Variants in ANKRD6 observed in about 807,000 individuals in gnomAD.
The protein encoded by ANKRD6 is ankyrin repeat domain-containing protein 6.
ANKRD6 carries 56 observed loss-of-function variants against 82.3 expected under a neutral mutation model. The ratio of observed to expected loss-of-function variants is 0.68; its 90% CI spans 0.55 to 0.85. The LOEUF is 0.85. Ranked by LOEUF, ANKRD6 falls within the 40% of genes least tolerant of loss-of-function variation. The pLI is 0.00. For synonymous variants in ANKRD6, 347 were observed against 352.1 expected (o/e 0.99, Z 0.16); for missense variants, 852 against 907.6 (o/e 0.94, Z 0.79).
chr6:89,454,462 A>T (rs1261964463), intron 1 of ANKRD6, among the ~76,000 whole-genome samples: 1 of 152,230 alleles, frequency 6.6e-6, no homozygotes, highest in African/African-American at 2.4e-5. Context: ...TCTGTGCAAG[A>T]ACTGAATAAC....
At chr6:89,474,827 G>A (rs1775864724) in intron 1 of ANKRD6, among the ~76,000 whole-genome samples, 1 of 152,202 alleles carries the variant, frequency 6.6e-6, no homozygotes, top group East Asian at 1.9e-4. Flanking sequence ...GTTGAATGAA[G>A]TATTATGGGA....
chr6:89,495,922 G>C (rs2224726), intron 1 of ANKRD6, among the ~76,000 whole-genome samples: 141,270 of 152,134 alleles, frequency 0.93, 65,704 homozygotes, highest in East Asian at 1. Flanking sequence ...TCTGACTTGC[G>C]CACATTCTCT....
intron 1 of ANKRD6, among the ~76,000 whole-genome samples, chr6:89,445,264 CTTTTTTT>C (rs1227274602): frequency 4.7e-5 from 3 of 64,090 alleles, no homozygotes; most frequent in African/African-American, 1.9e-4. Context: ...AGAGATCTTT[CTTTTTTT>C]TTTTTTTTTT....
chr6:89,479,784 T>A (rs1582830387), intron 1 of ANKRD6, among the ~76,000 whole-genome samples: 1 of 151,976 alleles, frequency 6.6e-6, no homozygotes, highest in Non-Finnish European at 1.5e-5. Context: ...CCCCTAGAAT[T>A]GTTTCTTTAG....
intron 1 of ANKRD6, among the ~76,000 whole-genome samples, chr6:89,524,799 C>G (rs952232189): frequency 6.6e-6 from 1 of 152,134 alleles, no homozygotes; most frequent in African/African-American, 2.4e-5. Flanking sequence ...TTGAAGGAAT[C>G]TCCACACTGT....
At chr6:89,490,119 G>A (rs574148670) in intron 1 of ANKRD6, among the ~76,000 whole-genome samples, 9 of 152,230 alleles carry the variant, frequency 5.9e-5, no homozygotes, top group African/African-American at 2.2e-4. Context: ...TTAGTTTTCT[G>A]GTCATTCAGA....
chr6:89,545,570 C>T (rs1784990760), intron 1 of ANKRD6, among the ~76,000 whole-genome samples: 1 of 152,138 alleles, frequency 6.6e-6, no homozygotes, highest in Non-Finnish European at 1.5e-5. Context: ...CAGATAAGTA[C>T]TTCATTTAAA....
At chr6:89,591,925 G>A (rs1794997801) in intron 2 of ANKRD6, among the ~76,000 whole-genome samples, 1 of 152,222 alleles carries the variant, frequency 6.6e-6, no homozygotes, top group Non-Finnish European at 1.5e-5. Flanking sequence ...TTGTAGCTCA[G>A]CTCCTGAAGC....
At chr6:89,435,366 C>T (rs1770503851) in intron 1 of ANKRD6, among the ~76,000 whole-genome samples, 1 of 152,174 alleles carries the variant, frequency 6.6e-6, no homozygotes, top group African/African-American at 2.4e-5. Context: ...TCGCCTCCCA[C>T]CCAAGGAACC....
At chr6:89,529,320 A>G (rs746227181) in intron 1 of ANKRD6, among the ~76,000 whole-genome samples, 7 of 152,242 alleles carry the variant, frequency 4.6e-5, no homozygotes, top group Non-Finnish European at 1.0e-4. Flanking sequence ...TAGTTATGAA[A>G]GATGATTCCT....
chr6:89,448,024 T>A (rs775514129), intron 1 of ANKRD6, among the ~76,000 whole-genome samples: 1 of 149,642 alleles, frequency 6.7e-6, no homozygotes, highest in Non-Finnish European at 1.5e-5. Flanking sequence ...GACAAGACAA[T>A]GCTTGGCTTT....
intron 1 of ANKRD6, among the ~76,000 whole-genome samples, chr6:89,550,980 G>A (rs1439857317): frequency 6.6e-6 from 1 of 151,978 alleles, no homozygotes. Context: ...AAGAATGAAA[G>A]TATATGTATA....
intron 1 of ANKRD6, among the ~76,000 whole-genome samples, chr6:89,516,562 C>T (rs1186565644): frequency 6.6e-6 from 1 of 151,818 alleles, no homozygotes; most frequent in Admixed American, 6.6e-5. Context: ...GCAACCTCCA[C>T]CTCCTGGGTT....
rs532170127 is a variant in ANKRD6 at position 89,459,353 on chromosome 6, C to T, written c.-144+25978C>T. 6.7e-3 allele frequency among the ~76,000 whole-genome samples: 1,025 copies of T among 152,336 alleles called. 9 individuals are homozygous for T. The highest frequency in any genetic ancestry group is 0.012 in the Non-Finnish European group (817 of 68,030). On this transcript the variant is annotated intron_variant, in intron 1 of 15. Coordinates refer to ENST00000339746, the MANE Select transcript of ANKRD6 (RefSeq NM_001242809.2). ...TCGGCCTCCCAAAGTGTTGGGATTA[C>T]AGGCATGAGCCACCATGCCTGGCTG...
At chr6:89,466,313 T>G (rs932731467) in intron 1 of ANKRD6, among the ~76,000 whole-genome samples, 1 of 152,234 alleles carries the variant, frequency 6.6e-6, no homozygotes, top group Non-Finnish European at 1.5e-5. Flanking sequence ...GTACATTAAT[T>G]TCACACTTGA....
rs1774193151 is a variant in ANKRD6, at chr6:89,461,900, ACTCCACAAG to A, written c.-144+28529_-144+28537del. Among the ~76,000 whole-genome samples the A allele has an allele frequency of 1.3e-5, 2 of 151,954 alleles. 1 individual carries two copies. The highest frequency in any genetic ancestry group is 4.2e-4 in the South Asian group (2 of 4,816). ...AACTATTATATTTATGTTCTACTGTACTCCACAAGCTCATTAGAGATAACCAGTGCTAGT... is the reference window on the plus strand; with the variant it reads ...AACTATTATATTTATGTTCTACTGTACTCATTAGAGATAACCAGTGCTAGT... On this transcript the variant is annotated intron_variant, in intron 1 of 15. Coordinates refer to ENST00000339746, the MANE Select transcript of ANKRD6 (RefSeq NM_001242809.2).
chr6:89,607,795 G>A (rs1799144862), intron 5 of ANKRD6, among the ~76,000 whole-genome samples: 2 of 151,734 alleles, frequency 1.3e-5, no homozygotes, highest in African/African-American at 4.9e-5. Context: ...AGCTGGGCAT[G>A]TGCCCCCACG....
At chr6:89,466,938 C>T (rs1164603455) in intron 1 of ANKRD6, among the ~76,000 whole-genome samples, 1 of 152,168 alleles carries the variant, frequency 6.6e-6, no homozygotes, top group African/African-American at 2.4e-5. Context: ...AACTCCTGAG[C>T]TCAAGTTATT....
rs1194628809 is a variant in ANKRD6, at chr6:89,630,882, G to A, written c.2062G>A (p.Glu688Lys). ...QMEKWYERKIEEARSQANQKA... is the reference protein window; with the variant it reads ...QMEKWYERKIKEARSQANQKA... Reference sequence around the variant, plus strand: ...GGAAAAGTGGTATGAAAGGAAGATTGAAGAAGCACGAAGCCAAGCCAATCA... The same window carrying A: ...GGAAAAGTGGTATGAAAGGAAGATTAAAGAAGCACGAAGCCAAGCCAATCA... Residue 688 changes from glutamate (E) to lysine (K), a missense_variant, in exon 16 of 16, where the codon GAA (glutamate) becomes AAA (lysine). Transcript: ENST00000339746. 1 of 1,613,508 alleles carries A rather than the reference G, an allele frequency of 6.2e-7. No individual in the cohort carries two copies. The highest frequency in any genetic ancestry group is 1.7e-5 in the Admixed American group (1 of 59,976).
Sources: allele counts gnomAD v4.1 joint callset (sites outside exome capture counted in the v4.1 genomes callset), GRCh38; gene constraint gnomAD v4.1.1; transcripts MANE v1.5; gene names NCBI Gene and HGNC (gene_info 2026-07-23, HGNC 2026-07-21).